MRPL45: variants seen among roughly 807,000 people sequenced by gnomAD.
The protein encoded by MRPL45 is mitochondrial ribosomal protein L45.
Under a neutral mutation model 38.1 loss-of-function variants are expected in MRPL45, and 20 were observed. That is an observed-to-expected ratio of 0.53 (90% CI 0.37 to 0.76). MRPL45 has a LOEUF of 0.76. Among genes scored for constraint, MRPL45 ranks in the 30% least tolerant of loss-of-function variants. The pLI is 0.00. For missense variants in MRPL45, 337 were observed against 395.6 expected (o/e 0.85, Z 1.26); for synonymous variants, 105 against 128.8 (o/e 0.82, Z 1.25).
intron 4 of MRPL45, among the ~76,000 whole-genome samples, chr17:38,313,303 A>AC (rs1318794528): frequency 5.4e-5 from 1 of 18,374 alleles, no homozygotes; most frequent in Non-Finnish European, 9.6e-5. Flanking sequence ...CTATTAAAAA[A>AC]AAAAAAAAAT....
At chr17:38,314,342 G>C (rs185271423) in intron 4 of MRPL45, among the ~76,000 whole-genome samples, 82 of 152,248 alleles carry the variant, frequency 5.4e-4, no homozygotes, top group African/African-American at 1.9e-3. Flanking sequence ...GACCTCGGGT[G>C]ATCCACCTGC....
At position 38,318,702 on chromosome 17, in the gene MRPL45, G is replaced by A. The variant is rs59939216; in HGVS notation, c.477G>A (p.Arg159=). The A allele has an allele frequency of 0.91, 1,470,616 of 1,609,506 alleles. 673,058 individuals are homozygous for A. Among genetic ancestry groups the A allele is most frequent in the Admixed American group, 0.95 (56,680 of 59,930 alleles). The stretch of plus-strand genomic sequence containing the variant: ...TCTTTTCTAGCTCAGACCATGACCG[G>A]CTTCATACCTTGGTAACTGAACACT... The part of the protein sequence containing the change: ...HLCLNNSDHD[R]LHTLVTEHCF... Residue 159 remains arginine, a synonymous_variant, in exon 5 of 8, where the codon CGG becomes CGA. Transcript: ENST00000613675.
chr17:38,319,067 G>A (rs1351688162), intron 5 of MRPL45, among the ~76,000 whole-genome samples: 2 of 148,506 alleles, frequency 1.3e-5, no homozygotes, highest in African/African-American at 5.0e-5. Context: ...ATGGAGTCTC[G>A]CTCTGTCGCC....
intron 4 of MRPL45, among the ~76,000 whole-genome samples, chr17:38,313,110 G>T (rs1249201251): frequency 6.8e-6 from 1 of 147,686 alleles, no homozygotes; most frequent in Admixed American, 6.8e-5. Flanking sequence ...TCAGCCTCCC[G>T]GGTAGCTGGA....
At chr17:38,321,674 G>C (rs1284149439) in intron 6 of MRPL45, among the ~76,000 whole-genome samples, 1 of 151,108 alleles carries the variant, frequency 6.6e-6, no homozygotes, top group Non-Finnish European at 1.5e-5. Flanking sequence ...CTGGGCAACA[G>C]CAAGACTCCG....
chr17:38,322,093 A>AATCTGGC (rs1399948966), intron 6 of MRPL45, 33 bp from the exon 7 acceptor site: 3 of 1,600,952 alleles, frequency 1.9e-6, no homozygotes, highest in Non-Finnish European at 2.6e-6. Flanking sequence ...CACCAAAAAA[A>AATCTGGC]CTAAGAGGCC....
intron 3 of MRPL45, among the ~76,000 whole-genome samples, chr17:38,300,111 C>T (rs920544875): frequency 1.3e-5 from 2 of 149,964 alleles, no homozygotes; most frequent in African/African-American, 2.5e-5. Flanking sequence ...CTCTGCCTCC[C>T]GGGTTCAAGA....
chr17:38,322,671 GCTAT>G lies in MRPL45; in HGVS notation c.*77_*80del. ...CTTTGAAGTCTCCCATTCCCCTCAT[GCTAT>G]AAAAAGAACTACCTTTGTTCTCTCC... On this transcript the variant is annotated 3_prime_UTR_variant, in exon 8 of 8. Coordinates refer to ENST00000613675, the MANE Select transcript of MRPL45 (RefSeq NM_032351.6). The G allele has an allele frequency of 1.8e-6, 2 of 1,130,958 alleles. No homozygotes were observed. 70.1% of individuals were successfully genotyped at this position (1,130,958 alleles called of 1,614,324 possible). A position where few individuals can be genotyped will look rare whatever the true frequency, so the allele number is the denominator to read the frequency against.
At chr17:38,322,355 C>G (rs1354368386) in intron 7 of MRPL45, 56 bp downstream of exon 7, 1 of 1,578,348 alleles carries the variant, frequency 6.3e-7, no homozygotes, top group Non-Finnish European at 8.7e-7. Context: ...GTCTCCTAAG[C>G]CACTCTGTCG....
intron 4 of MRPL45, among the ~76,000 whole-genome samples, chr17:38,310,750 A>G (rs560389810): frequency 6.6e-4 from 100 of 152,056 alleles, no homozygotes; most frequent in African/African-American, 2.2e-3. Context: ...TTCAGCCTCC[A>G]AAGTAGCTGG....
chr17:38,299,305 C>T (rs762307580), intron 2 of MRPL45, 46 bp from the exon 3 acceptor site: 1 of 1,331,374 alleles, frequency 7.5e-7, no homozygotes, highest in South Asian at 1.4e-5. Context: ...ATGAGTTTTT[C>T]TCAATCTTTC....
chr17:38,313,481 C>A (rs1280599302), intron 4 of MRPL45, among the ~76,000 whole-genome samples: 1 of 146,844 alleles, frequency 6.8e-6, no homozygotes, highest in Non-Finnish European at 1.5e-5. Flanking sequence ...CTCGGCCTCC[C>A]AAAATGCTAG....
rs1177124787 is a variant in MRPL45 at position 38,302,803 on chromosome 17, C to T, written c.362+3335C>T. Reference sequence around the variant, plus strand: ...GCAGTGGCTCCATCTCGGCCCACTGCAGCCTCTGCCTCCCAGGTTCAAGTG... The same window carrying T: ...GCAGTGGCTCCATCTCGGCCCACTGTAGCCTCTGCCTCCCAGGTTCAAGTG... On this transcript the variant is annotated intron_variant, in intron 3 of 7. Coordinates refer to ENST00000613675, the MANE Select transcript of MRPL45 (RefSeq NM_032351.6). 3.3e-5 allele frequency among the ~76,000 whole-genome samples: 5 copies of T among 150,516 alleles called. No individual in the cohort carries two copies. The East Asian group carries it at 9.8e-4, about 30-fold the overall frequency.
At chr17:38,314,130 G>C (rs2037151904) in intron 4 of MRPL45, among the ~76,000 whole-genome samples, 1 of 151,884 alleles carries the variant, frequency 6.6e-6, no homozygotes, top group African/African-American at 2.4e-5. Context: ...TTGAGATGGA[G>C]TTTTGCTCTT....
chr17:38,297,394 C>T, intron 1 of MRPL45, 145 bp downstream of exon 1: 5 of 753,730 alleles, frequency 6.6e-6, no homozygotes, highest in Non-Finnish European at 1.1e-5. Flanking sequence ...TGGACAGGAC[C>T]TAGCTGCGGA....
At chr17:38,297,375 A>T in intron 1 of MRPL45, 126 bp downstream of exon 1, 1 of 899,740 alleles carries the variant, frequency 1.1e-6, no homozygotes, top group Non-Finnish European at 1.8e-6. Context: ...GCCGGGGAAG[A>T]GGCTTAGGTG....
chr17:38,303,258 G>A (rs58930443), intron 3 of MRPL45, among the ~76,000 whole-genome samples: 6,891 of 138,484 alleles, frequency 0.05, 545 homozygotes, highest in African/African-American at 0.17. Context: ...TATGGGTTAT[G>A]TAATTTCCTC....
At chr17:38,299,203 C>T (rs1176633229) in intron 2 of MRPL45, 148 bp from the exon 3 acceptor site, 1 of 651,460 alleles carries the variant, frequency 1.5e-6, no homozygotes, top group Non-Finnish European at 2.5e-6. Context: ...TTGTTTTTTT[C>T]TAGTGTAACA....
intron 4 of MRPL45, among the ~76,000 whole-genome samples, chr17:38,313,345 T>TATATATAC (rs2037141166): frequency 5.1e-5 from 1 of 19,448 alleles, no homozygotes; most frequent in African/African-American, 2.2e-4. Flanking sequence ...TATATATATA[T>TATATATAC]ACGTATATAT....
Sources: allele counts gnomAD v4.1 joint callset (sites outside exome capture counted in the v4.1 genomes callset), GRCh38; gene constraint gnomAD v4.1.1; transcripts MANE v1.5; gene names NCBI Gene and HGNC (gene_info 2026-07-23, HGNC 2026-07-21).